Variants in ERCC6L2 observed in about 807,000 individuals in gnomAD.
ERCC6L2 encodes ERCC excision repair 6 like 2.
ERCC6L2 carries 77 observed loss-of-function variants against 132.0 expected under a neutral mutation model. The observed-to-expected ratio is 0.58, with a 90% confidence interval of 0.49 to 0.71. The LOEUF is 0.71. ERCC6L2 is among the 30% of genes least tolerant of loss of function. ERCC6L2 has a pLI of 0.00. For synonymous variants in ERCC6L2, 583 were observed against 632.4 expected (o/e 0.92, Z 1.17); for missense variants, 1,542 against 1,837.6 (o/e 0.84, Z 2.94).
chr9:95,976,209 T>C (rs1035787874), intron 16 of ERCC6L2, among the ~76,000 whole-genome samples: 4 of 152,154 alleles, frequency 2.6e-5, no homozygotes, highest in Non-Finnish European at 4.4e-5. Context: ...TTCCTCTCGC[T>C]CTCTCTCCCT....
chr9:95,899,816 G>A (rs570387725), intron 3 of ERCC6L2, among the ~76,000 whole-genome samples: 31 of 152,142 alleles, frequency 2.0e-4, no homozygotes, highest in African/African-American at 7.0e-4. Flanking sequence ...TAAATCATCT[G>A]TAGTTTACTT....
chr9:95,950,724 G>A (rs569934285), intron 12 of ERCC6L2, among the ~76,000 whole-genome samples: 1 of 152,254 alleles, frequency 6.6e-6, no homozygotes, highest in East Asian at 1.9e-4. Flanking sequence ...ACTTCAAGTC[G>A]ACAACTGTTA....
At chr9:95,906,467 G>GCGTA in intron 3 of ERCC6L2, 1 of 344,722 alleles carries the variant, frequency 2.9e-6, no homozygotes, top group Non-Finnish European at 5.7e-6. Context: ...AACATGAGCA[G>GCGTA]CGTACCCATG....
intron 6 of ERCC6L2, among the ~76,000 whole-genome samples, chr9:95,917,748 T>C (rs1478893978): frequency 6.6e-6 from 1 of 152,208 alleles, no homozygotes; most frequent in Admixed American, 6.5e-5. Flanking sequence ...TTGCAGCACC[T>C]CTGCTTAGAG....
chr9:95,926,490 C>T (rs1830106139), intron 9 of ERCC6L2, among the ~76,000 whole-genome samples: 1 of 152,092 alleles, frequency 6.6e-6, no homozygotes, highest in Non-Finnish European at 1.5e-5. Flanking sequence ...CATGGAAGAA[C>T]CTTAGATGCA....
At position 95,946,304 on chromosome 9, in the gene ERCC6L2, G is replaced by A. The variant is rs7023110; in HGVS notation, c.1847+4755G>A. On this transcript the variant is annotated intron_variant, in intron 12 of 18. Transcript: ENST00000653738. ...AGCACTTTGGGAGGCCAACGTGGGC[G>A]GATCACGAGGTCAGGTGATCGAGAC... Among the ~76,000 whole-genome samples, 586 of 152,192 alleles carry A rather than the reference G, an allele frequency of 3.9e-3. 6 individuals are homozygous for A. The highest frequency in any genetic ancestry group is 0.013 in the African/African-American group (533 of 41,536).
intron 19 of ERCC6L2, among the ~76,000 whole-genome samples, chr9:96,034,362 GA>G (rs1389883462): frequency 6.6e-6 from 1 of 152,192 alleles, no homozygotes; most frequent in Non-Finnish European, 1.5e-5. Context: ...GTGGCTGGAG[GA>G]CCTTCCAGGC....
intron 3 of ERCC6L2, 37 bp downstream of exon 3, chr9:95,898,008 G>A: frequency 1.3e-6 from 2 of 1,543,490 alleles, no homozygotes; most frequent in Non-Finnish European, 1.8e-6. Context: ...TACTCATGAT[G>A]CTGGTATTAC....
At position 95,957,721 on chromosome 9, in the gene ERCC6L2, T is replaced by A. The variant is rs577058681; in HGVS notation, c.1947+1708T>A. ...GATGAGGTAATTTAAGAACTTTATATGACACAAATAAAGATAAGATGGCAA... is the reference window on the plus strand; with the variant it reads ...GATGAGGTAATTTAAGAACTTTATAAGACACAAATAAAGATAAGATGGCAA... On this transcript the variant is annotated intron_variant, in intron 13 of 18. Transcript: ENST00000653738. 6.6e-5 allele frequency among the ~76,000 whole-genome samples: 10 copies of A among 152,170 alleles called. No homozygotes were observed. The South Asian group carries it at 2.1e-3, about 32-fold the overall frequency.
At chr9:95,915,624 A>G in intron 4 of ERCC6L2, 44 bp from the exon 5 acceptor site, 2 of 1,553,876 alleles carry the variant, frequency 1.3e-6, no homozygotes, top group Non-Finnish European at 1.7e-6. Context: ...GGACTAAGAA[A>G]GGAAGTTTTC....
rs775090727 is a variant in ERCC6L2, at chr9:95,972,974, T to C, written c.3223T>C (p.Leu1075=). The C allele has an allele frequency of 4.5e-6, 6 of 1,335,894 alleles. No individual in the cohort carries two copies. Among genetic ancestry groups the C allele is most frequent in the Non-Finnish European group, 6.0e-6 (6 of 1,005,132 alleles). 82.8% of individuals were successfully genotyped at this position (1,335,894 alleles called of 1,614,324 possible). A position where few individuals can be genotyped will look rare whatever the true frequency, so the allele number is the denominator to read the frequency against. ...AGACAGAACTAGTTTTTCTTCAAAA[T>C]TGCCTAGCCATAATAAGAAAAATAG... The part of the protein sequence containing the change: ...IRDRTSFSSK[L]PSHNKKNSTF... Residue 1075 remains leucine, a synonymous_variant, in exon 16 of 19, where the codon TTG becomes CTG. Transcript: ENST00000653738.
chr9:95,954,567 GA>G (rs896063595), intron 12 of ERCC6L2, among the ~76,000 whole-genome samples: 5 of 152,188 alleles, frequency 3.3e-5, no homozygotes, highest in African/African-American at 1.2e-4. Flanking sequence ...TATGGATCAA[GA>G]AATGATGAAG....
intron 19 of ERCC6L2, among the ~76,000 whole-genome samples, chr9:96,038,327 G>C (rs182846158): frequency 6.6e-6 from 1 of 152,344 alleles, no homozygotes; most frequent in East Asian, 1.9e-4. Context: ...CGAATAAAAG[G>C]AGAGAAGCCC....
intron 14 of ERCC6L2, among the ~76,000 whole-genome samples, chr9:95,969,171 A>G (rs910187754): frequency 1.3e-5 from 2 of 152,138 alleles, no homozygotes; most frequent in African/African-American, 4.8e-5. Flanking sequence ...AGAGCAAGAG[A>G]TGGAGCCGGA....
rs1019233515 is a variant in ERCC6L2, at chr9:95,952,912, G to C, written c.1848-3002G>C. Among the ~76,000 whole-genome samples, 4 of 152,086 alleles carry C rather than the reference G, an allele frequency of 2.6e-5. No individual in the cohort carries two copies. The South Asian group carries it at 8.3e-4, about 32-fold the overall frequency. ...AAACCCAGAGCTAACATCGTACTCA[G>C]TGGTGTCATGATTGAATTGTTTTTC... is the stretch of plus-strand genomic sequence containing the variant. On this transcript the variant is annotated intron_variant, in intron 12 of 18. Transcript: ENST00000653738.
chr9:95,885,004 A>G (rs1301528081), intron 2 of ERCC6L2, among the ~76,000 whole-genome samples: 4 of 152,240 alleles, frequency 2.6e-5, no homozygotes, highest in South Asian at 2.1e-4. Flanking sequence ...AACATACATA[A>G]TGATATGCCC....
intron 2 of ERCC6L2, among the ~76,000 whole-genome samples, chr9:95,884,357 T>C (rs1042412351): frequency 6.6e-6 from 1 of 152,206 alleles, no homozygotes; most frequent in Admixed American, 6.5e-5. Flanking sequence ...TCTATAGATA[T>C]GACTAAGCCA....
At position 96,017,801 on chromosome 9, in the gene ERCC6L2, A is replaced by G. The variant is rs1470959483; in HGVS notation, c.*4598A>G. Reference sequence around the variant, plus strand: ...TAAAAATGTCCACGCATATTTGAACATCTGTGTTCATAGTGGCATTATTCA... The same window carrying G: ...TAAAAATGTCCACGCATATTTGAACGTCTGTGTTCATAGTGGCATTATTCA... On this transcript the variant is annotated 3_prime_UTR_variant, in exon 19 of 19. Coordinates refer to ENST00000653738, the MANE Select transcript of ERCC6L2 (RefSeq NM_020207.7). Among the ~76,000 whole-genome samples, 1 of 152,230 alleles carries G rather than the reference A, an allele frequency of 6.6e-6. No homozygotes were observed. Among genetic ancestry groups the G allele is most frequent in the Non-Finnish European group, 1.5e-5 (1 of 68,050 alleles).
In ERCC6L2 at chr9:95,951,969, A is replaced by T. The variant is rs981167748; in HGVS notation, c.1848-3945A>T. 1.3e-4 allele frequency among the ~76,000 whole-genome samples: 20 copies of T among 151,896 alleles called. 1 individual carries two copies. The highest frequency in any genetic ancestry group is 1.5e-5 in the Non-Finnish European group (1 of 67,978). On this transcript the variant is annotated intron_variant, in intron 12 of 18. Coordinates refer to ENST00000653738, the MANE Select transcript of ERCC6L2 (RefSeq NM_020207.7). ...CGGATCACGAGTTCAGGAGTTCAAG[A>T]CCATCCTGGCCAACACACTGAAACC...
Sources: allele counts gnomAD v4.1 joint callset (sites outside exome capture counted in the v4.1 genomes callset), GRCh38; gene constraint gnomAD v4.1.1; transcripts MANE v1.5; gene names NCBI Gene and HGNC (gene_info 2026-07-23, HGNC 2026-07-21).